Variants in SNRPN observed in about 807,000 individuals in gnomAD.
The protein encoded by SNRPN is small nuclear ribonucleoprotein polypeptide N.
Under a neutral mutation model 25.2 loss-of-function variants are expected in SNRPN, and 7 were observed. The observed-to-expected ratio is 0.28, with a 90% CI of 0.16 to 0.52. The LOEUF (loss-of-function observed/expected upper bound fraction) is 0.52, where lower values mean the gene tolerates loss of function less well. Among genes scored for constraint, SNRPN ranks in the 20% least tolerant of loss-of-function variants. The pLI, the probability that SNRPN is intolerant of heterozygous loss-of-function variation, is 0.96. For synonymous variants in SNRPN, 124 were observed against 110.6 expected, an observed-to-expected ratio of 1.12 and a Z score of -0.76; for missense variants, 196 against 322.5, an observed-to-expected ratio of 0.61 and a Z score of 3.00.
intron 2 of SNRPN, among the ~76,000 whole-genome samples, chr15:24,902,832 G>A (rs542064200): frequency 5.9e-5 from 9 of 152,330 alleles, no homozygotes; most frequent in Middle Eastern, 3.4e-3. Context: ...CCCAAAGAGT[G>A]AGCAGCAGCA....
intron 2 of SNRPN, among the ~76,000 whole-genome samples, chr15:24,966,190 A>G (rs2075603780): frequency 6.6e-6 from 1 of 152,192 alleles, no homozygotes; most frequent in Non-Finnish European, 1.5e-5. Flanking sequence ...CCAACAGTCT[A>G]TAGATTCTGA....
At chr15:24,880,264 C>T (rs1241710363) in intron 1 of SNRPN, among the ~76,000 whole-genome samples, 1 of 151,988 alleles carries the variant, frequency 6.6e-6, no homozygotes, top group Non-Finnish European at 1.5e-5. Context: ...GAGAAAAGGG[C>T]GACAGAGTGA....
intron 7 of SNRPN, 67 bp downstream of exon 7, chr15:24,977,096 T>C (rs1395566765): frequency 2.3e-6 from 3 of 1,324,314 alleles, no homozygotes; most frequent in Non-Finnish European, 3.1e-6. Context: ...CGAGGAGATT[T>C]AAAAACCTAA....
Position 24,955,009 on chromosome 15 carries a change from G to A in SNRPN, c.-444G>A, listed in dbSNP as rs1006712908. ...GGCGCAGAGTGGAGCGGCCGCCGGA[G>A]ATGCCTGACGCATCTGTCTGAGGAG... On this transcript the variant is annotated 5_prime_UTR_variant, in exon 1 of 10. Coordinates refer to ENST00000390687, the MANE Select transcript of SNRPN (RefSeq NM_003097.6). 1.2e-6 allele frequency: 2 copies of A among 1,612,004 alleles called. No individual in the cohort carries two copies. Among genetic ancestry groups the A allele is most frequent in the Non-Finnish European group, 1.7e-6 (2 of 1,179,810 alleles).
chr15:24,857,840 T>C (rs928084683), intron 1 of SNRPN, among the ~76,000 whole-genome samples: 1 of 152,046 alleles, frequency 6.6e-6, no homozygotes, highest in Non-Finnish European at 1.5e-5. Flanking sequence ...CTCAAATCAA[T>C]CTCCCTGTAG....
At chr15:24,935,305 G>A (rs530905654) in intron 3 of SNRPN, among the ~76,000 whole-genome samples, 1 of 152,172 alleles carries the variant, frequency 6.6e-6, no homozygotes, top group East Asian at 1.9e-4. Flanking sequence ...TGTTTAATAG[G>A]TGAGATCATA....
intron 2 of SNRPN, among the ~76,000 whole-genome samples, chr15:24,835,000 G>T (rs12593572): frequency 2.6e-5 from 1 of 38,908 alleles, no homozygotes; most frequent in South Asian, 6.0e-4. Flanking sequence ...GATATATATA[G>T]TATATATATC....
intron 1 of SNRPN, among the ~76,000 whole-genome samples, chr15:24,957,214 G>A (rs2063079238): frequency 6.6e-6 from 1 of 152,152 alleles, no homozygotes; most frequent in African/African-American, 2.4e-5. Context: ...TTCCTTAAAT[G>A]GGTTGGGGGA....
chr15:24,978,067 G>T, intron 8 of SNRPN, 126 bp from the exon 9 acceptor site: 1 of 1,206,468 alleles, frequency 8.3e-7, no homozygotes, highest in Non-Finnish European at 1.2e-6. Flanking sequence ...AAGAGTAATT[G>T]TCATATAGAA....
intron 2 of SNRPN, among the ~76,000 whole-genome samples, chr15:24,840,201 T>C (rs2051572751): frequency 6.6e-6 from 1 of 151,896 alleles, no homozygotes; most frequent in Admixed American, 6.6e-5. Flanking sequence ...CTACTAAAAA[T>C]AGAAAAATTA....
At chr15:24,871,853 C>A (rs959011022) in intron 1 of SNRPN, among the ~76,000 whole-genome samples, 1 of 120,330 alleles carries the variant, frequency 8.3e-6, no homozygotes, top group African/African-American at 2.8e-5. Context: ...TACAGGCGCC[C>A]ACCACCACGC....
At chr15:24,950,572 C>T (rs1191479317), upstream of SNRPN, among the ~76,000 whole-genome samples, 11 of 103,118 alleles carry the variant, frequency 1.1e-4, no homozygotes, top group Non-Finnish European at 1.5e-4. Context: ...TTTTTGGTGA[C>T]AGGTTTTGCT....
chr15:24,946,107 G>A (rs2061866946), intron 3 of SNRPN, among the ~76,000 whole-genome samples: 1 of 152,190 alleles, frequency 6.6e-6, no homozygotes, highest in Non-Finnish European at 1.5e-5. Context: ...ATGAAGAGGA[G>A]CAGCAAAGAG....
chr15:24,842,127 T>C (rs1018043378), intron 2 of SNRPN, among the ~76,000 whole-genome samples: 2 of 152,070 alleles, frequency 1.3e-5, no homozygotes, highest in Non-Finnish European at 2.9e-5. Context: ...CTGGGTGGTA[T>C]TGCCCCTCCC....
chr15:24,940,723 G>C (rs1380395510), intron 3 of SNRPN, among the ~76,000 whole-genome samples: 2 of 152,048 alleles, frequency 1.3e-5, no homozygotes, highest in Non-Finnish European at 2.9e-5. Context: ...TAAGGCAGGT[G>C]TCAGCAAATT....
intron 3 of SNRPN, among the ~76,000 whole-genome samples, chr15:24,924,262 G>A (rs57235579): frequency 0.055 from 8,348 of 151,942 alleles, 370 homozygotes; most frequent in Middle Eastern, 0.12. Context: ...CCTCTTCTTA[G>A]GACAGAGGGT....
At chr15:24,957,085 C>CTT (rs535210778) in intron 1 of SNRPN, among the ~76,000 whole-genome samples, 1 of 152,004 alleles carries the variant, frequency 6.6e-6, no homozygotes, top group African/African-American at 2.4e-5. Flanking sequence ...TTGTTAACCC[C>CTT]TTTTTTTTAA....
intron 3 of SNRPN, among the ~76,000 whole-genome samples, chr15:24,936,780 C>T (rs887443189): frequency 1.8e-4 from 27 of 152,116 alleles, no homozygotes; most frequent in African/African-American, 5.1e-4. Flanking sequence ...GATCTAGTCA[C>T]ATCCCACCAG....
chr15:24,910,637 G>A (rs941411152), intron 2 of SNRPN, among the ~76,000 whole-genome samples: 1 of 152,022 alleles, frequency 6.6e-6, no homozygotes, highest in Non-Finnish European at 1.5e-5. Context: ...TGGGATTACA[G>A]GCGCCCGCCA....
Sources: allele counts gnomAD v4.1 joint callset (sites outside exome capture counted in the v4.1 genomes callset), GRCh38; gene constraint gnomAD v4.1.1; transcripts MANE v1.5; gene names NCBI Gene and HGNC (gene_info 2026-07-23, HGNC 2026-07-21).